PDE4B: variants seen among roughly 807,000 people sequenced by gnomAD.
The protein encoded by PDE4B is 3',5'-cyclic-AMP phosphodiesterase 4B.
PDE4B carries 20 observed loss-of-function variants against 82.2 expected under a neutral mutation model. That is an observed-to-expected ratio of 0.24 (90% CI 0.17 to 0.35). PDE4B has a LOEUF of 0.35. Ranked by LOEUF, PDE4B falls within the 10% of genes least tolerant of loss-of-function variation. The pLI is 1.00. For synonymous variants in PDE4B, 320 were observed against 318.9 expected (o/e 1.00, Z -0.04); for missense variants, 655 against 907.2 (o/e 0.72, Z 3.57).
At chr1:66,161,952 G>A (rs1439159121) in intron 3 of PDE4B, among the ~76,000 whole-genome samples, 2 of 152,106 alleles carry the variant, frequency 1.3e-5, no homozygotes, top group East Asian at 3.8e-4. Flanking sequence ...TCTTTAAAAT[G>A]AAGGCAATAA....
chr1:66,168,565 T>C (rs760728439), intron 3 of PDE4B, among the ~76,000 whole-genome samples: 74 of 152,096 alleles, frequency 4.9e-4, no homozygotes, highest in Non-Finnish European at 8.2e-4. Flanking sequence ...TCACTGTGGC[T>C]TCAGCAGTGT....
chr1:65,986,812 G>A (rs894787440), intron 3 of PDE4B, among the ~76,000 whole-genome samples: 4 of 152,208 alleles, frequency 2.6e-5, no homozygotes, highest in South Asian at 4.2e-4. Context: ...AATATTATAC[G>A]CTGACAAGTA....
At chr1:65,958,499 G>T (rs1649370385) in intron 3 of PDE4B, among the ~76,000 whole-genome samples, 1 of 151,906 alleles carries the variant, frequency 6.6e-6, no homozygotes, top group Admixed American at 6.6e-5. Flanking sequence ...CTTGAAGATT[G>T]TGCCCTCTTT....
chr1:66,084,557 G>GCAC, intron 3 of PDE4B, among the ~76,000 whole-genome samples: 1 of 152,080 alleles, frequency 6.6e-6, no homozygotes, highest in Non-Finnish European at 1.5e-5. Context: ...CTCAGGTGGG[G>GCAC]ACCAGAGCAA....
intron 3 of PDE4B, among the ~76,000 whole-genome samples, chr1:65,949,450 C>G (rs1648882753): frequency 6.6e-6 from 1 of 152,090 alleles, no homozygotes; most frequent in African/African-American, 2.4e-5. Context: ...CACTGGGGCT[C>G]TTGCCAGGGC....
At chr1:65,862,098 G>T (rs1462539254) in intron 1 of PDE4B, among the ~76,000 whole-genome samples, 1 of 152,106 alleles carries the variant, frequency 6.6e-6, no homozygotes, top group Non-Finnish European at 1.5e-5. Flanking sequence ...GAATTGTAGT[G>T]GTGAGAGAGG....
intron 3 of PDE4B, among the ~76,000 whole-genome samples, chr1:66,170,334 T>C (rs1646814597): frequency 6.6e-6 from 1 of 152,194 alleles, no homozygotes; most frequent in Admixed American, 6.5e-5. Flanking sequence ...ATTATATGAT[T>C]TTTAGGAAAA....
At chr1:66,157,488 T>A (rs1285193247) in intron 3 of PDE4B, among the ~76,000 whole-genome samples, 1 of 152,224 alleles carries the variant, frequency 6.6e-6, no homozygotes, top group Non-Finnish European at 1.5e-5. Context: ...TCAAACTTAG[T>A]TCTACCTTAA....
intron 3 of PDE4B, among the ~76,000 whole-genome samples, chr1:66,010,577 T>A (rs1009203042): frequency 2.6e-5 from 4 of 151,064 alleles, no homozygotes; most frequent in African/African-American, 9.7e-5. Context: ...TTATTTTTAT[T>A]TCTTTCCATA....
intron 3 of PDE4B, among the ~76,000 whole-genome samples, chr1:66,206,009 G>A (rs1649517969): frequency 6.6e-6 from 1 of 152,162 alleles, no homozygotes; most frequent in South Asian, 2.1e-4. Flanking sequence ...GTGCGCTGAA[G>A]CAATGTGCTA....
At chr1:66,223,793 T>A (rs1297562639) in intron 3 of PDE4B, among the ~76,000 whole-genome samples, 1 of 152,164 alleles carries the variant, frequency 6.6e-6, no homozygotes, top group Non-Finnish European at 1.5e-5. Context: ...TTTTTTGAAG[T>A]GCATGCCATC....
At chr1:66,104,887 G>A (rs1330044646) in intron 3 of PDE4B, among the ~76,000 whole-genome samples, 2 of 145,934 alleles carry the variant, frequency 1.4e-5, no homozygotes, top group African/African-American at 2.5e-5. Context: ...CATTTTGTAG[G>A]TTGCCTGTTC....
intron 1 of PDE4B, among the ~76,000 whole-genome samples, chr1:65,875,807 G>T (rs1162169964): frequency 2.4e-5 from 3 of 124,332 alleles, no homozygotes; most frequent in South Asian, 3.3e-4. Context: ...GTGGTGGGGT[G>T]GGGGGAGGGG....
intron 3 of PDE4B, among the ~76,000 whole-genome samples, chr1:65,919,873 C>T (rs1647206551): frequency 6.6e-6 from 1 of 152,134 alleles, no homozygotes; most frequent in African/African-American, 2.4e-5. Flanking sequence ...AGCATTAGAT[C>T]ACTGAAACTC....
intron 3 of PDE4B, among the ~76,000 whole-genome samples, chr1:66,009,608 C>G (rs143699037): frequency 6.6e-6 from 1 of 152,264 alleles, no homozygotes; most frequent in Non-Finnish European, 1.5e-5. Context: ...CACTGCTGCA[C>G]TTGGTTCTCA....
chr1:65,797,407 A>G (rs961026558), intron 1 of PDE4B, among the ~76,000 whole-genome samples: 1 of 152,140 alleles, frequency 6.6e-6, no homozygotes, highest in Non-Finnish European at 1.5e-5. Context: ...CTGGGTTTCT[A>G]TTTAAATCTT....
At chr1:66,250,524 A>G (rs12043611) in intron 4 of PDE4B, among the ~76,000 whole-genome samples, 32,641 of 152,152 alleles carry the variant, frequency 0.21, 7,239 homozygotes, top group African/African-American at 0.56. Flanking sequence ...AATTAAAAGT[A>G]GCTTTAACTT....
intron 3 of PDE4B, among the ~76,000 whole-genome samples, chr1:66,009,331 C>T (rs904588088): frequency 4.6e-5 from 7 of 152,194 alleles, no homozygotes; most frequent in Non-Finnish European, 1.0e-4. Context: ...GTAACCATTA[C>T]CTCAAACCTG....
intron 7 of PDE4B, among the ~76,000 whole-genome samples, chr1:66,321,674 G>A (rs1411830131): frequency 1.3e-5 from 2 of 152,084 alleles, no homozygotes; most frequent in Non-Finnish European, 2.9e-5. Context: ...AATAAAAGAG[G>A]ACACAAACAA....
Sources: allele counts gnomAD v4.1 joint callset (sites outside exome capture counted in the v4.1 genomes callset), GRCh38; gene constraint gnomAD v4.1.1; transcripts MANE v1.5; gene names NCBI Gene and HGNC (gene_info 2026-07-23, HGNC 2026-07-21).